The following FNDC3A variants were observed in gnomAD, a reference collection of about 807,000 sequenced individuals.
The protein encoded by FNDC3A is fibronectin type-III domain-containing protein 3A.
FNDC3A carries 32 observed loss-of-function variants against 148.9 expected under a neutral mutation model. That is an observed-to-expected ratio of 0.21 (90% confidence interval 0.16 to 0.29). The LOEUF is 0.29. FNDC3A is among the 10% of genes least tolerant of loss of function. The probability of loss-of-function intolerance (pLI) is 1.00; values close to 1 mark genes in which losing one functional copy is unlikely to be tolerated. For missense variants in FNDC3A, 1,191 were observed against 1,452.8 expected (o/e 0.82, Z 2.93); for synonymous variants, 472 against 473.6 (o/e 1.00, Z 0.04).
At chr13:49,136,708 C>G (rs1882385329) in intron 6 of FNDC3A, 107 bp downstream of exon 6, 1 of 1,055,630 alleles carries the variant, frequency 9.5e-7, no homozygotes, top group Non-Finnish European at 1.4e-6. Context: ...TCCAAATAGA[C>G]TGTTACAGGC....
At chr13:49,038,097 T>G (rs953206519) in intron 2 of FNDC3A, among the ~76,000 whole-genome samples, 1 of 152,200 alleles carries the variant, frequency 6.6e-6, no homozygotes, top group African/African-American at 2.4e-5. Flanking sequence ...CGATCTCTTC[T>G]CTGATTGTCC....
intron 1 of FNDC3A, among the ~76,000 whole-genome samples, chr13:49,004,558 C>G (rs1193435313): frequency 6.6e-6 from 1 of 151,916 alleles, no homozygotes. Context: ...TTGGAATGAA[C>G]TTGAAGATTC....
intron 8 of FNDC3A, among the ~76,000 whole-genome samples, chr13:49,147,802 C>G (rs1479720466): frequency 7.9e-5 from 12 of 152,142 alleles, no homozygotes; most frequent in Admixed American, 7.2e-4. Context: ...TTTGAGAAAT[C>G]TCCACACTTG....
intron 2 of FNDC3A, among the ~76,000 whole-genome samples, chr13:49,048,054 T>G (rs1258930912): frequency 6.6e-6 from 1 of 152,222 alleles, no homozygotes; most frequent in African/African-American, 2.4e-5. Context: ...GAATAGGATG[T>G]CATTTCCCCA....
At chr13:49,052,481 C>G (rs778120594) in intron 2 of FNDC3A, among the ~76,000 whole-genome samples, 6 of 152,080 alleles carry the variant, frequency 3.9e-5, no homozygotes, top group Non-Finnish European at 4.4e-5. Context: ...GTACTGGGCT[C>G]CAGACTGGTA....
At chr13:49,063,759 T>A (rs916919624) in intron 2 of FNDC3A, among the ~76,000 whole-genome samples, 1 of 152,144 alleles carries the variant, frequency 6.6e-6, no homozygotes, top group Admixed American at 6.5e-5. Context: ...GCCTGATAAA[T>A]TTTACATGCC....
At chr13:48,995,285 AGCCTATTTCTTGATTGAGGACT>A (rs1212102249) in intron 1 of FNDC3A, among the ~76,000 whole-genome samples, 1 of 149,512 alleles carries the variant, frequency 6.7e-6, no homozygotes, top group African/African-American at 2.4e-5. Context: ...ACTGTAAGGG[AGCCTATTTCTTGATTGAGGACT>A]GCCTTTTTTT....
chr13:49,202,034 T>G (rs1886442766), intron 24 of FNDC3A, 68 bp downstream of exon 24: 8 of 1,052,988 alleles, frequency 7.6e-6, no homozygotes, highest in Non-Finnish European at 1.1e-5. Flanking sequence ...TCATAAATGC[T>G]TTGTTTACTG....
chr13:49,193,442 A>G (rs4942805), intron 19 of FNDC3A, among the ~76,000 whole-genome samples: 151,721 of 152,222 alleles, frequency 1, 75,614 homozygotes, highest in Middle Eastern at 1. Context: ...TTACTTTTTT[A>G]TAGAGATGGG....
At chr13:49,022,123 C>T (rs1354390210) in intron 2 of FNDC3A, among the ~76,000 whole-genome samples, 1 of 152,112 alleles carries the variant, frequency 6.6e-6, no homozygotes, top group Non-Finnish European at 1.5e-5. Context: ...CTTGAGGGCC[C>T]TCATCATTTT....
chr13:49,123,810 C>T (rs1393666828), intron 4 of FNDC3A, among the ~76,000 whole-genome samples: 1 of 152,178 alleles, frequency 6.6e-6, no homozygotes, highest in Non-Finnish European at 1.5e-5. Flanking sequence ...CATCTCACGC[C>T]AGTTAGAATG....
intron 2 of FNDC3A, among the ~76,000 whole-genome samples, chr13:49,065,354 G>A (rs1295434732): frequency 6.6e-6 from 1 of 152,186 alleles, no homozygotes; most frequent in East Asian, 1.9e-4. Flanking sequence ...ACATGGCCAA[G>A]CCCAGAGTTA....
chr13:49,085,450 A>G (rs1318090626), intron 3 of FNDC3A, among the ~76,000 whole-genome samples: 5 of 152,164 alleles, frequency 3.3e-5, no homozygotes, highest in Non-Finnish European at 7.3e-5. Context: ...GTCCTCATGC[A>G]AGTAAGACTC....
intron 2 of FNDC3A, among the ~76,000 whole-genome samples, chr13:49,074,187 G>T (rs1297494527): frequency 6.6e-6 from 1 of 152,044 alleles, no homozygotes; most frequent in East Asian, 1.9e-4. Context: ...CCCATCATCT[G>T]AGCAATATAC....
intron 10 of FNDC3A, among the ~76,000 whole-genome samples, chr13:49,171,798 G>C (rs1264643788): frequency 1.3e-5 from 2 of 152,144 alleles, no homozygotes; most frequent in Non-Finnish European, 2.9e-5. Flanking sequence ...GTTATTAATA[G>C]TTCTTGCTAA....
At chr13:49,031,839 A>C (rs1467126611) in intron 2 of FNDC3A, among the ~76,000 whole-genome samples, 1 of 152,206 alleles carries the variant, frequency 6.6e-6, no homozygotes, top group Non-Finnish European at 1.5e-5. Context: ...ATCAGGAAAC[A>C]AAAATCCACA....
intron 2 of FNDC3A, among the ~76,000 whole-genome samples, chr13:49,017,254 A>T (rs1353724282): frequency 1.3e-5 from 2 of 151,828 alleles, no homozygotes; most frequent in South Asian, 4.2e-4. Context: ...TTTGTAGGTC[A>T]CTCAGGACTT....
chr13:49,005,195 C>T (rs1343983815), intron 1 of FNDC3A, among the ~76,000 whole-genome samples: 1 of 151,676 alleles, frequency 6.6e-6, no homozygotes, highest in Non-Finnish European at 1.5e-5. Context: ...CAATCTAAAT[C>T]AACTTGTGAG....
At position 49,198,377 on chromosome 13, in the gene FNDC3A, C is replaced by T. The variant is rs1456799530; in HGVS notation, c.2790C>T (p.Ala930=). 3 of 1,614,128 alleles carry T rather than the reference C, an allele frequency of 1.9e-6. No homozygotes were observed. Among genetic ancestry groups the T allele is most frequent in the Non-Finnish European group, 2.5e-6 (3 of 1,180,020 alleles). The part of the protein sequence containing the change: ...PDTTYRIRIQ[A]LNSLGAGPFS... ...TGGCACTTAGAATACGAATTCAAGC[C>T]TTGAATAGCCTTGGAGCTGGTCCTT... The change falls in exon 23 of 26, where the codon GCC becomes GCT. Residue 930 remains alanine (A), a synonymous_variant. Transcript: ENST00000492622.
Sources: allele counts gnomAD v4.1 joint callset (sites outside exome capture counted in the v4.1 genomes callset), GRCh38; gene constraint gnomAD v4.1.1; transcripts MANE v1.5; gene names NCBI Gene and HGNC (gene_info 2026-07-23, HGNC 2026-07-21).